Variants in BANK1 observed in about 807,000 individuals in gnomAD.
The protein encoded by BANK1 is B-cell scaffold protein with ankyrin repeats.
Under a neutral mutation model 94.5 loss-of-function variants are expected in BANK1, and 95 were observed. The ratio of observed to expected loss-of-function variants is 1.00; its 90% CI spans 0.85 to 1.19. The LOEUF (loss-of-function observed/expected upper bound fraction) is 1.19, where lower values mean the gene tolerates loss of function less well. BANK1 is among the 50% of genes most tolerant of loss of function. The pLI, the probability that BANK1 is intolerant of heterozygous loss-of-function variation, is 0.00. For synonymous variants in BANK1, 334 were observed against 308.4 expected, an observed-to-expected ratio of 1.08 and a Z score of -0.87; for missense variants, 987 against 932.2, an observed-to-expected ratio of 1.06 and a Z score of -0.77.
chr4:101,954,152 C>T (rs565335141), intron 7 of BANK1, among the ~76,000 whole-genome samples: 64 of 152,208 alleles, frequency 4.2e-4, no homozygotes, highest in Non-Finnish European at 7.5e-4. Flanking sequence ...TCTCTGTGTC[C>T]GTGTCTTCAC....
At chr4:101,906,857 CCAA>C (rs1722470463) in intron 6 of BANK1, among the ~76,000 whole-genome samples, 1 of 152,104 alleles carries the variant, frequency 6.6e-6, no homozygotes, top group Non-Finnish European at 1.5e-5. Flanking sequence ...ACGCCACTTG[CCAA>C]GACCACCTCA....
chr4:101,871,826 T>C (rs17031758), intron 5 of BANK1, among the ~76,000 whole-genome samples: 17,218 of 152,162 alleles, frequency 0.11, 1,281 homozygotes, highest in East Asian at 0.24. Flanking sequence ...TAAAGTAGTC[T>C]CCAAACATAT....
At chr4:101,984,919 T>G (rs1295259550) in intron 7 of BANK1, among the ~76,000 whole-genome samples, 1 of 152,108 alleles carries the variant, frequency 6.6e-6, no homozygotes, top group Non-Finnish European at 1.5e-5. Context: ...ATAACAATCA[T>G]TGATCCTATG....
At position 102,074,279 on chromosome 4, in the gene BANK1, A is replaced by G. The variant is rs989639375; in HGVS notation, c.*280A>G. Reference sequence around the variant, plus strand: ...TTCACCAATGAAACAGCTAATTTCCATTTTGAAAATTAAAAGAAAACAGCA... The same window carrying G: ...TTCACCAATGAAACAGCTAATTTCCGTTTTGAAAATTAAAAGAAAACAGCA... On this transcript the variant is annotated 3_prime_UTR_variant, in exon 17 of 17. Transcript: ENST00000322953. 2 of 152,262 alleles carry G rather than the reference A, an allele frequency of 1.3e-5. No individual in the cohort carries two copies. The highest frequency in any genetic ancestry group is 2.4e-5 in the African/African-American group (1 of 41,444). 9.4% of individuals were successfully genotyped at this position (152,262 alleles called of 1,614,324 possible). A position where few individuals can be genotyped will look rare whatever the true frequency, so the allele number is the denominator to read the frequency against.
chr4:102,060,186 A>C, intron 11 of BANK1, 25 bp from the exon 12 acceptor site: 1 of 1,535,538 alleles, frequency 6.5e-7, no homozygotes, highest in East Asian at 2.4e-5. Flanking sequence ...ACTTTCTGTT[A>C]ATGCACCCTC....
chr4:101,965,295 T>C (rs1188190215), intron 7 of BANK1, among the ~76,000 whole-genome samples: 1 of 151,498 alleles, frequency 6.6e-6, no homozygotes, highest in African/African-American at 2.4e-5. Flanking sequence ...AAATGCCTTT[T>C]ACCACTCTCC....
At chr4:101,879,639 A>C (rs1468024835) in intron 5 of BANK1, among the ~76,000 whole-genome samples, 1 of 152,122 alleles carries the variant, frequency 6.6e-6, no homozygotes, top group African/African-American at 2.4e-5. Flanking sequence ...ACATCAAAAA[A>C]AAGAAAACTA....
intron 1 of BANK1, among the ~76,000 whole-genome samples, chr4:101,822,203 T>C (rs1276874592): frequency 1.3e-5 from 2 of 151,548 alleles, no homozygotes; most frequent in African/African-American, 4.9e-5. Flanking sequence ...ATTAAAAAAA[T>C]ACAAAAAATA....
intron 14 of BANK1, among the ~76,000 whole-genome samples, chr4:102,071,674 A>G (rs1463210925): frequency 2.0e-5 from 3 of 152,234 alleles, no homozygotes; most frequent in Non-Finnish European, 2.9e-5. Flanking sequence ...TGATAATGAT[A>G]TATGTAAATG....
intron 8 of BANK1, among the ~76,000 whole-genome samples, chr4:102,023,797 G>T (rs926276961): frequency 1.3e-5 from 2 of 152,194 alleles, no homozygotes; most frequent in Non-Finnish European, 2.9e-5. Flanking sequence ...TAGCGTGAAT[G>T]TAATTCTGAG....
chr4:101,855,898 G>A (rs1408102936), intron 3 of BANK1, among the ~76,000 whole-genome samples: 1 of 152,162 alleles, frequency 6.6e-6, no homozygotes, highest in Non-Finnish European at 1.5e-5. Context: ...TATGTTCCTA[G>A]CATGTCTTCC....
In BANK1 at chr4:101,964,710, A is replaced by AT. The variant is rs562524203; in HGVS notation, c.1206+46527dup. On this transcript the variant is annotated intron_variant, in intron 7 of 16. Coordinates refer to ENST00000322953, the MANE Select transcript of BANK1 (RefSeq NM_017935.5). The stretch of plus-strand genomic sequence containing the variant: ...TCCTTAGGGATGGAGAAGCTCAGCT[A>AT]TTTTTTCCATTAAAGATGAGATTAA... Among the ~76,000 whole-genome samples, 4 of 152,100 alleles carry AT rather than the reference A, an allele frequency of 2.6e-5. No individual in the cohort carries two copies. In the South Asian group the frequency reaches 6.2e-4, roughly 24 times the overall value.
chr4:101,920,662 A>G (rs1294555780), intron 7 of BANK1, among the ~76,000 whole-genome samples: 1 of 151,956 alleles, frequency 6.6e-6, no homozygotes, highest in Non-Finnish European at 1.5e-5. Flanking sequence ...CTGAAGAAAT[A>G]TCTATTTTTA....
chr4:101,888,541 G>A (rs1313778850), intron 5 of BANK1, among the ~76,000 whole-genome samples: 1 of 152,080 alleles, frequency 6.6e-6, no homozygotes, highest in African/African-American at 2.4e-5. Context: ...TTCTCTCCAC[G>A]ATTAGAATGT....
intron 7 of BANK1, among the ~76,000 whole-genome samples, chr4:101,919,356 TC>T (rs1401532937): frequency 6.6e-6 from 1 of 152,012 alleles, no homozygotes; most frequent in Non-Finnish European, 1.5e-5. Context: ...TTCTTCCACT[TC>T]TTGCTCTCCA....
At chr4:102,057,320 TTC>T (rs377557916) in intron 11 of BANK1, among the ~76,000 whole-genome samples, 11 of 145,974 alleles carry the variant, frequency 7.5e-5, no homozygotes, top group Non-Finnish European at 1.1e-4. Context: ...GTTTCTCTAT[TTC>T]TCTCTCTCTC....
At chr4:101,956,307 A>G (rs920825694) in intron 7 of BANK1, among the ~76,000 whole-genome samples, 2 of 152,190 alleles carry the variant, frequency 1.3e-5, no homozygotes. Context: ...CTGTATTTCC[A>G]TGGAAACCGG....
intron 2 of BANK1, among the ~76,000 whole-genome samples, chr4:101,836,366 G>GT (rs1726827048): frequency 6.6e-6 from 1 of 152,104 alleles, no homozygotes; most frequent in African/African-American, 2.4e-5. Context: ...TGTAATCCCA[G>GT]TTACTCAGGA....
At chr4:101,816,888 T>C (rs893103075) in intron 1 of BANK1, among the ~76,000 whole-genome samples, 1 of 152,160 alleles carries the variant, frequency 6.6e-6, no homozygotes, top group Non-Finnish European at 1.5e-5. Context: ...ACTCACAAGT[T>C]AATTTTCAAA....
Sources: gnomAD v4.1 joint callset for allele counts (sites outside exome capture counted in the v4.1 genomes callset) on GRCh38, gnomAD v4.1.1 for gene constraint, MANE v1.5 for transcripts, NCBI Gene and HGNC (gene_info 2026-07-23, HGNC 2026-07-21) for gene names.